Variants in NELL1 observed in about 807,000 individuals in gnomAD.
NELL1 encodes neural EGFL like 1.
Under a neutral mutation model 107.4 loss-of-function variants are expected in NELL1, and 76 were observed. The ratio of observed to expected loss-of-function variants is 0.71; its 90% confidence interval spans 0.59 to 0.86. The LOEUF (loss-of-function observed/expected upper bound fraction) is 0.86, where lower values mean the gene tolerates loss of function less well. NELL1 is among the 40% of genes least tolerant of loss of function. The pLI is 0.00. For synonymous variants in NELL1, 353 were observed against 341.2 expected (o/e 1.03, Z -0.38); for missense variants, 1,024 against 1,005.5 (o/e 1.02, Z -0.25).
At chr11:21,486,329 C>A (rs1352675194) in intron 15 of NELL1, among the ~76,000 whole-genome samples, 1 of 152,276 alleles carries the variant, frequency 6.6e-6, no homozygotes, top group East Asian at 1.9e-4. Flanking sequence ...CCACTAGTAA[C>A]CATACCCTAA....
intron 14 of NELL1, among the ~76,000 whole-genome samples, chr11:21,332,714 A>G (rs747382901): frequency 6.6e-6 from 1 of 151,962 alleles, no homozygotes; most frequent in Non-Finnish European, 1.5e-5. Flanking sequence ...TTAGCTAACA[A>G]TATTTTCCTT....
At chr11:21,442,010 G>C (rs73461280) in intron 15 of NELL1, among the ~76,000 whole-genome samples, 4,658 of 152,138 alleles carry the variant, frequency 0.031, 250 homozygotes, top group African/African-American at 0.1. Flanking sequence ...ATACTTATAG[G>C]TTCCTATGAT....
At chr11:21,031,836 G>T (rs1277525337) in intron 12 of NELL1, among the ~76,000 whole-genome samples, 3 of 152,064 alleles carry the variant, frequency 2.0e-5, no homozygotes, top group Non-Finnish European at 4.4e-5. Flanking sequence ...ATCACCTGAG[G>T]TCAGGAGTGC....
At position 21,492,716 on chromosome 11, in the gene NELL1, A is replaced by G. The variant is rs1181844773; in HGVS notation, c.1646-41658A>G. ...ACAATGAGAACACATGGACATAGGA[A>G]GGGGAACATCACACTCTGGGGACTG... On this transcript the variant is annotated intron_variant, in intron 15 of 19. Transcript: ENST00000357134. Among the ~76,000 whole-genome samples, 545 of 121,578 alleles carry G rather than the reference A, an allele frequency of 4.5e-3. 5 individuals carry two copies. The highest frequency in any genetic ancestry group is 5.3e-3 in the Non-Finnish European group (333 of 62,544). 79.8% of individuals were successfully genotyped at this position (121,578 alleles called of 152,430 possible). A position where few individuals can be genotyped will look rare whatever the true frequency, so the allele number is the denominator to read the frequency against.
intron 3 of NELL1, among the ~76,000 whole-genome samples, chr11:20,819,149 T>G (rs1857691450): frequency 6.6e-6 from 1 of 152,142 alleles, no homozygotes; most frequent in East Asian, 1.9e-4. Flanking sequence ...AGTGCTTTGG[T>G]GGTATTTTTA....
intron 3 of NELL1, among the ~76,000 whole-genome samples, chr11:20,820,698 T>C (rs1243812030): frequency 6.6e-6 from 1 of 152,152 alleles, no homozygotes; most frequent in South Asian, 2.1e-4. Flanking sequence ...CCCAAGCCCT[T>C]TGTACCTATT....
At chr11:20,967,332 A>T (rs982951330) in intron 12 of NELL1, among the ~76,000 whole-genome samples, 9 of 151,434 alleles carry the variant, frequency 5.9e-5, no homozygotes, top group African/African-American at 2.2e-4. Flanking sequence ...ATACTTAGGT[A>T]ACTTTTTTTT....
At chr11:20,696,778 T>C (rs1390576939) in intron 2 of NELL1, among the ~76,000 whole-genome samples, 5 of 152,174 alleles carry the variant, frequency 3.3e-5, no homozygotes, top group Admixed American at 2.6e-4. Flanking sequence ...GAATAATTTG[T>C]GAATTGAACA....
chr11:21,306,488 A>T (rs767316699), intron 14 of NELL1, among the ~76,000 whole-genome samples: 2 of 152,050 alleles, frequency 1.3e-5, no homozygotes, highest in Non-Finnish European at 2.9e-5. Flanking sequence ...TTCAAGAAAC[A>T]TCTGTTTTCC....
chr11:21,495,299 T>A lies in NELL1; in HGVS notation c.1646-39075T>A, dbSNP rs116809397. The stretch of plus-strand genomic sequence containing the variant: ...CTGACATCTTTCACTGAGCGTAGTG[T>A]TTTTCAGGTTCACTCATGTTATAGC... On this transcript the variant is annotated intron_variant, in intron 15 of 19. Transcript: ENST00000357134. Among the ~76,000 whole-genome samples, 1,387 of 152,214 alleles carry A rather than the reference T, an allele frequency of 9.1e-3. 27 individuals carry two copies. The highest frequency in any genetic ancestry group is 0.032 in the African/African-American group (1,322 of 41,550).
chr11:21,048,611 T>C (rs1441882893), intron 12 of NELL1, among the ~76,000 whole-genome samples: 2 of 152,160 alleles, frequency 1.3e-5, no homozygotes, highest in Admixed American at 1.3e-4. Flanking sequence ...GCTTGACCTT[T>C]TCTTGTTGTA....
intron 3 of NELL1, among the ~76,000 whole-genome samples, chr11:20,822,664 A>G (rs1359790802): frequency 1.3e-5 from 2 of 152,166 alleles, no homozygotes; most frequent in Non-Finnish European, 2.9e-5. Context: ...ACAGTCCTTC[A>G]TGTGGATGAT....
chr11:21,426,727 T>G (rs982748533), intron 15 of NELL1, among the ~76,000 whole-genome samples: 2 of 151,994 alleles, frequency 1.3e-5, no homozygotes, highest in Admixed American at 1.3e-4. Context: ...TCAGGCAGGG[T>G]GCAGTCAGAA....
chr11:21,499,814 A>T (rs539328287), intron 15 of NELL1, among the ~76,000 whole-genome samples: 62 of 152,252 alleles, frequency 4.1e-4, no homozygotes, highest in African/African-American at 1.5e-3. Context: ...GGTTGCCAGT[A>T]ATCACTGTGT....
At chr11:20,863,000 T>C (rs1035144605) in intron 4 of NELL1, among the ~76,000 whole-genome samples, 3 of 151,632 alleles carry the variant, frequency 2.0e-5, no homozygotes, top group South Asian at 2.1e-4. Context: ...CCATGTCTAC[T>C]TCTTTCTACA....
At chr11:21,071,013 T>C (rs1854000075) in intron 12 of NELL1, among the ~76,000 whole-genome samples, 1 of 152,176 alleles carries the variant, frequency 6.6e-6, no homozygotes, top group African/African-American at 2.4e-5. Flanking sequence ...ACCTTGTTTT[T>C]AGCCCTCCTA....
chr11:21,159,715 T>C (rs187987816), intron 13 of NELL1, among the ~76,000 whole-genome samples: 43 of 152,292 alleles, frequency 2.8e-4, no homozygotes, highest in African/African-American at 1.0e-3. Flanking sequence ...CACTGCAAAG[T>C]GGGGCTATAC....
At chr11:20,755,545 TTTTTG>T (rs1856247734) in intron 2 of NELL1, among the ~76,000 whole-genome samples, 1 of 40,498 alleles carries the variant, frequency 2.5e-5, no homozygotes, top group African/African-American at 7.8e-5. Context: ...TTTTTGTTTT[TTTTTG>T]TTTTTGTTTT....
At chr11:21,066,807 A>C (rs748514160) in intron 12 of NELL1, among the ~76,000 whole-genome samples, 3 of 151,974 alleles carry the variant, frequency 2.0e-5, no homozygotes, top group Non-Finnish European at 2.9e-5. Flanking sequence ...TACAAAAGTT[A>C]GCTGGGTGTG....
Sources: gnomAD v4.1 joint callset for allele counts (sites outside exome capture counted in the v4.1 genomes callset) on GRCh38, gnomAD v4.1.1 for gene constraint, MANE v1.5 for transcripts, NCBI Gene and HGNC (gene_info 2026-07-23, HGNC 2026-07-21) for gene names.